Variants in SGCZ observed in about 807,000 individuals in gnomAD.
The protein encoded by SGCZ is sarcoglycan zeta, also known as zeta-sarcoglycan.
Under a neutral mutation model 41.3 loss-of-function variants are expected in SGCZ, and 40 were observed. The observed-to-expected ratio is 0.97, with a 90% CI of 0.75 to 1.26. The LOEUF (loss-of-function observed/expected upper bound fraction) is 1.26. Among genes scored for constraint, SGCZ ranks in the 50% most tolerant of loss-of-function variants. The pLI, the probability that SGCZ is intolerant of heterozygous loss-of-function variation, is 0.00. For missense variants in SGCZ, 552 were observed against 369.8 expected (o/e 1.49, Z -4.04); for synonymous variants, 206 against 137.5 (o/e 1.50, Z -3.49).
At chr8:14,849,183 G>A (rs1358623265) in intron 1 of SGCZ, among the ~76,000 whole-genome samples, 1 of 152,078 alleles carries the variant, frequency 6.6e-6, no homozygotes, top group Non-Finnish European at 1.5e-5. Flanking sequence ...GTCGACCAGT[G>A]TTAAATATGT....
intron 1 of SGCZ, among the ~76,000 whole-genome samples, chr8:14,938,548 C>T (rs1800160177): frequency 6.6e-6 from 1 of 152,066 alleles, no homozygotes; most frequent in Non-Finnish European, 1.5e-5. Context: ...ATATAATATA[C>T]ATAACATACA....
chr8:14,291,009 AT>A (rs1800821824), intron 3 of SGCZ, among the ~76,000 whole-genome samples: 1 of 152,164 alleles, frequency 6.6e-6, no homozygotes, highest in South Asian at 2.1e-4. Flanking sequence ...ATATTCAGCT[AT>A]AAAAAATGAA....
intron 1 of SGCZ, among the ~76,000 whole-genome samples, chr8:14,868,454 T>G (rs537228172): frequency 6.6e-6 from 1 of 152,130 alleles, no homozygotes; most frequent in East Asian, 1.9e-4. Context: ...TATGAAACCA[T>G]GAACTTCTGT....
At chr8:14,794,567 C>A (rs539707557) in intron 1 of SGCZ, among the ~76,000 whole-genome samples, 2 of 152,174 alleles carry the variant, frequency 1.3e-5, no homozygotes, top group South Asian at 4.1e-4. Flanking sequence ...AGAACCAGCT[C>A]AGGAAGTGCA....
At chr8:14,287,246 A>G (rs971991555) in intron 3 of SGCZ, among the ~76,000 whole-genome samples, 12 of 151,616 alleles carry the variant, frequency 7.9e-5, no homozygotes, top group East Asian at 1.9e-4. Flanking sequence ...ATATAATTAC[A>G]TAATATCAAA....
At chr8:14,376,017 A>G (rs1056105825) in intron 2 of SGCZ, among the ~76,000 whole-genome samples, 1 of 152,206 alleles carries the variant, frequency 6.6e-6, no homozygotes, top group Non-Finnish European at 1.5e-5. Context: ...TACAAAACGT[A>G]AAACTACAAT....
At chr8:14,437,050 C>T (rs999520341) in intron 2 of SGCZ, among the ~76,000 whole-genome samples, 1 of 152,132 alleles carries the variant, frequency 6.6e-6, no homozygotes, top group Non-Finnish European at 1.5e-5. Flanking sequence ...AATTAAAATA[C>T]TTTTCAAATG....
chr8:14,525,539 G>T (rs1363160965), intron 2 of SGCZ, among the ~76,000 whole-genome samples: 1 of 151,998 alleles, frequency 6.6e-6, no homozygotes, highest in Non-Finnish European at 1.5e-5. Flanking sequence ...ATGATCATGA[G>T]AAAGATTATA....
intron 2 of SGCZ, among the ~76,000 whole-genome samples, chr8:14,369,462 G>T (rs1253245203): frequency 6.6e-6 from 1 of 151,956 alleles, no homozygotes; most frequent in South Asian, 2.1e-4. Context: ...GTGCATCATA[G>T]CTAGAGGCAC....
At chr8:14,731,330 A>G (rs902607012) in intron 1 of SGCZ, among the ~76,000 whole-genome samples, 4 of 151,790 alleles carry the variant, frequency 2.6e-5, no homozygotes, top group African/African-American at 9.7e-5. Flanking sequence ...GTGGGAGTTG[A>G]ACAATGAGAA....
chr8:14,249,751 A>G (rs1038648143), intron 3 of SGCZ, among the ~76,000 whole-genome samples: 1 of 152,204 alleles, frequency 6.6e-6, no homozygotes, highest in East Asian at 1.9e-4. Flanking sequence ...GGTGGGGGGA[A>G]TATTCCTGAG....
chr8:14,629,341 G>C lies in SGCZ; in HGVS notation c.40-74415C>G, dbSNP rs553589720. ...AAAAATTGTTTTTAGTGACTAGTAGGTAAGATTAATGTAAAATACATTATC... is the reference window on the plus strand; with the variant it reads ...AAAAATTGTTTTTAGTGACTAGTAGCTAAGATTAATGTAAAATACATTATC... On this transcript the variant is annotated intron_variant, in intron 1 of 7. Transcript: ENST00000382080. 4.3e-5 allele frequency among the ~76,000 whole-genome samples: 6 copies of C among 140,796 alleles called. No homozygotes were observed. The South Asian group carries it at 1.4e-3, about 32-fold the overall frequency. 92.4% of individuals were successfully genotyped at this position (140,796 alleles called of 152,430 possible). A position where few individuals can be genotyped will look rare whatever the true frequency, so the allele number is the denominator to read the frequency against.
At chr8:14,816,789 C>G (rs1205707506) in intron 1 of SGCZ, among the ~76,000 whole-genome samples, 3 of 152,156 alleles carry the variant, frequency 2.0e-5, no homozygotes, top group Admixed American at 2.0e-4. Context: ...AATGAACTAA[C>G]TTAATTAAAT....
chr8:14,894,741 G>C (rs991534924), intron 1 of SGCZ, among the ~76,000 whole-genome samples: 2 of 151,726 alleles, frequency 1.3e-5, no homozygotes, highest in East Asian at 3.9e-4. Context: ...AAAAATGTCG[G>C]TCTTCTTTTT....
intron 1 of SGCZ, among the ~76,000 whole-genome samples, chr8:15,195,609 C>G (rs376546126): frequency 3.9e-5 from 6 of 152,256 alleles, no homozygotes; most frequent in African/African-American, 7.2e-5. Context: ...CTGATTGGAG[C>G]TCAAATTCCA....
intron 5 of SGCZ, among the ~76,000 whole-genome samples, chr8:14,134,425 T>C (rs1279994143): frequency 6.6e-6 from 1 of 152,200 alleles, no homozygotes; most frequent in Non-Finnish European, 1.5e-5. Context: ...ATGACAGGTA[T>C]GAATGAAAGT....
intron 5 of SGCZ, among the ~76,000 whole-genome samples, chr8:14,110,141 G>C (rs1802328904): frequency 6.6e-6 from 1 of 152,042 alleles, no homozygotes; most frequent in Non-Finnish European, 1.5e-5. Context: ...GTAGTTTGAG[G>C]TAACACTAAT....
intron 1 of SGCZ, among the ~76,000 whole-genome samples, chr8:15,207,849 C>T (rs1801116935): frequency 6.6e-6 from 1 of 152,136 alleles, no homozygotes; most frequent in African/African-American, 2.4e-5. Flanking sequence ...GGAAGTTTGA[C>T]ATAGAAAATA....
At chr8:14,265,994 G>A (rs1316092282) in intron 3 of SGCZ, among the ~76,000 whole-genome samples, 1 of 151,944 alleles carries the variant, frequency 6.6e-6, no homozygotes, top group Non-Finnish European at 1.5e-5. Context: ...CATCAAAAGA[G>A]CAACTGTTTA....
Sources: gnomAD v4.1 joint callset for allele counts (sites outside exome capture counted in the v4.1 genomes callset) on GRCh38, gnomAD v4.1.1 for gene constraint, MANE v1.5 for transcripts, NCBI Gene and HGNC (gene_info 2026-07-23, HGNC 2026-07-21) for gene names.